Variants in PPIG observed in about 807,000 individuals in gnomAD.
The protein encoded by PPIG is peptidylprolyl isomerase G.
A neutral mutation model predicts 87.9 loss-of-function variants in PPIG; 26 were observed. The observed-to-expected ratio is 0.30, with a 90% confidence interval of 0.22 to 0.41. The LOEUF is 0.41. PPIG is among the 10% of genes least tolerant of loss of function. PPIG has a pLI of 1.00. For missense variants in PPIG, 722 were observed against 879.4 expected, an observed-to-expected ratio of 0.82 and a Z score of 2.26; for synonymous variants, 308 against 276.5, an observed-to-expected ratio of 1.11 and a Z score of -1.13.
Position 169,607,163 on chromosome 2 carries a change from AT to A in PPIG, c.289+18del. 3 of 1,432,226 alleles carry A rather than the reference AT, an allele frequency of 2.1e-6. No homozygotes were observed. The highest frequency in any genetic ancestry group is 2.9e-6 in the Non-Finnish European group (3 of 1,025,204). The allele number at this position is 1,432,226 out of a possible 1,614,324, so 88.7% of individuals were successfully genotyped here. A position where few individuals can be genotyped will look rare whatever the true frequency, so the allele number is the denominator to read the frequency against. ...ATTTTTTGAAGGTAAAAATGTTTACATTTATATTATGTTTTAAATATTTTGT... is the reference window on the plus strand; with the variant it reads ...ATTTTTTGAAGGTAAAAATGTTTACATTATATTATGTTTTAAATATTTTGT... On this transcript the variant is annotated intron_variant, in intron 6 of 13. Coordinates refer to ENST00000260970, the MANE Select transcript of PPIG (RefSeq NM_004792.3).
chr2:169,621,411 G>A (rs530184454), intron 9 of PPIG, among the ~76,000 whole-genome samples: 1 of 152,148 alleles, frequency 6.6e-6, no homozygotes, highest in African/African-American at 2.4e-5. Flanking sequence ...GTATGCTTCA[G>A]CTCATGGGAT....
At chr2:169,589,108 G>A (rs1329385129) in intron 1 of PPIG, among the ~76,000 whole-genome samples, 2 of 151,924 alleles carry the variant, frequency 1.3e-5, no homozygotes, top group African/African-American at 4.8e-5. Flanking sequence ...CGTATATATA[G>A]TAAGTGCGTA....
intron 1 of PPIG, among the ~76,000 whole-genome samples, chr2:169,594,273 T>G (rs955574622): frequency 4.0e-4 from 61 of 151,808 alleles, no homozygotes; most frequent in Admixed American, 3.0e-3. Context: ...CTGTTTCCAT[T>G]TGTACATGTG....
intron 12 of PPIG, among the ~76,000 whole-genome samples, chr2:169,635,194 T>G (rs1686150287): frequency 1.3e-5 from 2 of 152,178 alleles, no homozygotes; most frequent in Admixed American, 1.3e-4. Flanking sequence ...GAATTGTCAT[T>G]TAAAAATGAA....
chr2:169,635,974 A>G lies in PPIG; in HGVS notation c.1018-118A>G, dbSNP rs866930718. 26 of 534,348 alleles carry G rather than the reference A, an allele frequency of 4.9e-5. No homozygotes were observed. The Middle Eastern group carries it at 1.6e-3, about 33-fold the overall frequency. 33.1% of individuals were successfully genotyped at this position (534,348 alleles called of 1,614,324 possible). A position where few individuals can be genotyped will look rare whatever the true frequency, so the allele number is the denominator to read the frequency against. ...TTTCAATGCTTTTTATATTTTTTTT[A>G]TTTTGTACCCCTTACTACCTCCTGA... On this transcript the variant is annotated intron_variant, in intron 12 of 13. Transcript: ENST00000260970.
rs144958585 is a variant in PPIG, at chr2:169,619,568, A to G, written c.547+4844A>G. 6.7e-4 allele frequency among the ~76,000 whole-genome samples: 102 copies of G among 152,214 alleles called. 3 individuals carry two copies. The East Asian group carries it at 0.018, about 27-fold the overall frequency. ...TCTGGGTGCTCCTGTATTGGTGCAT[A>G]TATATTTAGGATAGTTAGCTCTTCT... On this transcript the variant is annotated intron_variant, in intron 9 of 13. Coordinates refer to ENST00000260970, the MANE Select transcript of PPIG (RefSeq NM_004792.3).
At chr2:169,596,775 C>G in intron 1 of PPIG, among the ~76,000 whole-genome samples, 1 of 152,140 alleles carries the variant, frequency 6.6e-6, no homozygotes, top group East Asian at 1.9e-4. Context: ...TCTCAGCTCA[C>G]TGCAACCTCT....
intron 9 of PPIG, among the ~76,000 whole-genome samples, chr2:169,620,201 G>T (rs1685707925): frequency 6.6e-6 from 1 of 151,884 alleles, no homozygotes; most frequent in Non-Finnish European, 1.5e-5. Flanking sequence ...TCTTTTAGTG[G>T]TTTTACAGTT....
intron 6 of PPIG, among the ~76,000 whole-genome samples, chr2:169,607,760 G>A (rs955918200): frequency 3.3e-4 from 51 of 152,330 alleles, no homozygotes; most frequent in Admixed American, 2.9e-3. Context: ...GGTAAGTGAT[G>A]CTATGGCAGA....
intron 2 of PPIG, 123 bp downstream of exon 2, chr2:169,603,817 T>G: frequency 1.8e-6 from 1 of 559,472 alleles, no homozygotes; most frequent in East Asian, 3.0e-5. Flanking sequence ...AGGCTTAACT[T>G]TCAAGTCTTT....
chr2:169,627,452 T>C (rs1685919455), intron 9 of PPIG, among the ~76,000 whole-genome samples: 2 of 152,366 alleles, frequency 1.3e-5, no homozygotes, highest in South Asian at 2.1e-4. Flanking sequence ...AAAAGTGATA[T>C]GTAAATTAAA....
In PPIG at chr2:169,614,875, T is replaced by C. The variant is rs941664344; in HGVS notation, c.547+151T>C. On this transcript the variant is annotated intron_variant, in intron 9 of 13. Transcript: ENST00000260970. ...TTTCTGTGCTTTTATTTTTTACTTT[T>C]TTAAGTTGACAAAACTTGTGTATAC... The C allele has an allele frequency of 1.0e-5, 10 of 957,210 alleles. No individual in the cohort carries two copies. The African/African-American group carries it at 1.7e-4, about 16-fold the overall frequency. 59.3% of individuals were successfully genotyped at this position (957,210 alleles called of 1,614,324 possible).
intron 1 of PPIG, among the ~76,000 whole-genome samples, chr2:169,597,923 C>T (rs1369276794): frequency 4.0e-5 from 6 of 151,752 alleles, no homozygotes; most frequent in Admixed American, 3.3e-4. Flanking sequence ...CCCTATGTTT[C>T]CCAGCCTGGT....
chr2:169,607,219 CAAT>C (rs1685357600), intron 6 of PPIG, 71 bp downstream of exon 6: 3 of 980,592 alleles, frequency 3.1e-6, no homozygotes, highest in East Asian at 2.6e-5. Flanking sequence ...TCTATGGAAT[CAAT>C]AACATTATTC....
At chr2:169,631,614 A>G in intron 10 of PPIG, 152 bp from the exon 11 acceptor site, 1 of 1,431,106 alleles carries the variant, frequency 7.0e-7, no homozygotes, top group Non-Finnish European at 9.1e-7. Context: ...TTGTCAGAGG[A>G]ATAGAAGATT....
intron 1 of PPIG, among the ~76,000 whole-genome samples, chr2:169,589,471 A>T (rs1559172746): frequency 6.6e-6 from 1 of 152,210 alleles, no homozygotes. Context: ...TAGGAATGTT[A>T]AATTACTTTC....
At chr2:169,599,708 G>A (rs1444529327) in intron 1 of PPIG, among the ~76,000 whole-genome samples, 1 of 152,030 alleles carries the variant, frequency 6.6e-6, no homozygotes, top group Non-Finnish European at 1.5e-5. Flanking sequence ...TTGATAGACA[G>A]ACAGTGAAAG....
chr2:169,627,026 T>C (rs1054804113), intron 9 of PPIG, among the ~76,000 whole-genome samples: 2 of 152,174 alleles, frequency 1.3e-5, no homozygotes, highest in African/African-American at 2.4e-5. Flanking sequence ...TTTCCTCTTA[T>C]AGTTAATGTT....
At chr2:169,619,202 G>A (rs954796947) in intron 9 of PPIG, among the ~76,000 whole-genome samples, 2 of 152,174 alleles carry the variant, frequency 1.3e-5, no homozygotes, top group African/African-American at 4.8e-5. Flanking sequence ...TTAATCTTGA[G>A]TTCCAATTTG....
Sources: gnomAD v4.1 joint callset for allele counts (sites outside exome capture counted in the v4.1 genomes callset) on GRCh38, gnomAD v4.1.1 for gene constraint, MANE v1.5 for transcripts, NCBI Gene and HGNC (gene_info 2026-07-23, HGNC 2026-07-21) for gene names.